AGBL1: variants seen among roughly 807,000 people sequenced by gnomAD.
The protein encoded by AGBL1 is cytosolic carboxypeptidase 4.
A neutral mutation model predicts 118.9 loss-of-function variants in AGBL1; 130 were observed. The observed-to-expected ratio is 1.09, with a 90% CI of 0.95 to 1.26. The LOEUF (loss-of-function observed/expected upper bound fraction) is 1.26. AGBL1 is among the 50% of genes most tolerant of loss of function. AGBL1 has a pLI of 0.00. For missense variants in AGBL1, 1,584 were observed against 1,298.1 expected (o/e 1.22, Z -3.38); for synonymous variants, 555 against 478.9 (o/e 1.16, Z -2.08).
intron 23 of AGBL1, among the ~76,000 whole-genome samples, chr15:86,927,272 A>T (rs2080552432): frequency 1.3e-5 from 2 of 152,202 alleles, no homozygotes; most frequent in African/African-American, 4.8e-5. Flanking sequence ...GCCTCAAAGT[A>T]GCTCAACTTA....
chr15:86,561,988 T>A (rs2083829564), intron 21 of AGBL1, among the ~76,000 whole-genome samples: 1 of 152,148 alleles, frequency 6.6e-6, no homozygotes. Context: ...TGCTTGTGAT[T>A]TTTGCACATT....
chr15:86,929,888 T>A (rs970529747), intron 23 of AGBL1, among the ~76,000 whole-genome samples: 9 of 152,228 alleles, frequency 5.9e-5, no homozygotes, highest in African/African-American at 2.2e-4. Flanking sequence ...TAAACTAGAA[T>A]ATGCCACTTC....
chr15:86,329,324 CCT>C (rs769213148), intron 17 of AGBL1, among the ~76,000 whole-genome samples: 3 of 152,006 alleles, frequency 2.0e-5, no homozygotes, highest in Non-Finnish European at 2.9e-5. Flanking sequence ...GCAGTGGGGC[CCT>C]CTCTGCCCCA....
chr15:86,535,585 A>G (rs1416317389), intron 19 of AGBL1, among the ~76,000 whole-genome samples: 1 of 152,196 alleles, frequency 6.6e-6, no homozygotes, highest in Non-Finnish European at 1.5e-5. Flanking sequence ...TGAAGAGCGC[A>G]TCAATTTCTG....
intron 11 of AGBL1, 29 bp from the exon 12 acceptor site, chr15:86,266,345 C>G: frequency 6.5e-7 from 1 of 1,539,684 alleles, no homozygotes; most frequent in Non-Finnish European, 8.8e-7. Context: ...AAGGCCGACC[C>G]TTAAAATGTT....
chr15:86,171,999 A>G (rs1433696609), intron 5 of AGBL1, among the ~76,000 whole-genome samples: 1 of 152,212 alleles, frequency 6.6e-6, no homozygotes, highest in Non-Finnish European at 1.5e-5. Context: ...GTGAGTGTGC[A>G]AAGTCATAAG....
rs12898345 is a variant in AGBL1, at chr15:86,914,664, A to G, written c.*7370A>G. ...CTCTGTTGTTATGCTCACTTTATAA[A>G]TGAGGGCATTAAGAATTTAAGGGCT... On this transcript the variant is annotated 3_prime_UTR_variant, in exon 23 of 23. Coordinates refer to ENST00000614907, the MANE Select transcript of AGBL1 (RefSeq NM_001386094.1). The G allele has an allele frequency of 0.68, 103,998 of 152,058 alleles. 36,473 individuals carry two copies. The highest frequency in any genetic ancestry group is 0.81 in the African/African-American group (33,700 of 41,496). 9.4% of individuals were successfully genotyped at this position (152,058 alleles called of 1,614,324 possible).
chr15:86,554,507 C>G lies in AGBL1; in HGVS notation c.2964C>G (p.Ser988Arg). 3.2e-6 allele frequency: 5 copies of G among 1,558,118 alleles called. No homozygotes were observed. Among genetic ancestry groups the G allele is most frequent in the Non-Finnish European group, 4.3e-6 (5 of 1,154,576 alleles). The change falls in exon 21 of 23, where the codon AGC (serine) becomes AGG (arginine). Residue 988 changes from serine to arginine, a missense_variant. Coordinates refer to ENST00000614907, the MANE Select transcript of AGBL1 (RefSeq NM_001386094.1). Reference protein sequence around the residue: ...GVSRSYTMESSYCGCNQGPYQ... With the variant: ...GVSRSYTMESRYCGCNQGPYQ... ...CCAGAAGCTACACCATGGAAAGCAGCTACTGTGGCTGCAACCAGGGCCCTT... is the reference window on the plus strand; with the variant it reads ...CCAGAAGCTACACCATGGAAAGCAGGTACTGTGGCTGCAACCAGGGCCCTT...
chr15:86,990,321 C>A (rs991255810), intron 24 of AGBL1, among the ~76,000 whole-genome samples: 2 of 152,084 alleles, frequency 1.3e-5, no homozygotes, highest in Admixed American at 1.3e-4. Flanking sequence ...TCAAGACCAG[C>A]CTGACCAACA....
At chr15:86,847,702 C>G (rs1296969410) in intron 22 of AGBL1, among the ~76,000 whole-genome samples, 1 of 152,180 alleles carries the variant, frequency 6.6e-6, no homozygotes, top group Non-Finnish European at 1.5e-5. Context: ...ATCTTTTAAG[C>G]TGGCTCCAGA....
rs115329856 is a variant in AGBL1, at chr15:86,274,614, C to A, written c.2075+2908C>A. ...CCACTTCTCCCTTTGGAGACCTCTC[C>A]CATGCAACAATCGATGCTTAACTAA... On this transcript the variant is annotated intron_variant, in intron 15 of 22. Transcript: ENST00000614907. Among the ~76,000 whole-genome samples, 837 of 152,266 alleles carry A rather than the reference C, an allele frequency of 5.5e-3. 5 individuals carry two copies. The highest frequency in any genetic ancestry group is 0.019 in the African/African-American group (809 of 41,538).
intron 21 of AGBL1, among the ~76,000 whole-genome samples, chr15:86,567,622 A>G (rs1217343560): frequency 6.6e-6 from 1 of 152,238 alleles, no homozygotes; most frequent in Non-Finnish European, 1.5e-5. Context: ...ATTTTTACAG[A>G]TAACCTTTAG....
Position 86,082,511 on chromosome 15 carries a change from G to C in AGBL1, c.51+2488G>C, listed in dbSNP as rs532312897. 7.6e-4 allele frequency among the ~76,000 whole-genome samples: 115 copies of C among 152,310 alleles called. 1 individual carries two copies. The highest frequency in any genetic ancestry group is 2.6e-3 in the African/African-American group (109 of 41,558). On this transcript the variant is annotated intron_variant, in intron 1 of 22. Coordinates refer to ENST00000614907, the MANE Select transcript of AGBL1 (RefSeq NM_001386094.1). ...TGCCAAGGGAAGGAAGAAAGAGATT[G>C]GAGGGACAGAAAAGGCAAACACAAG...
At chr15:86,963,546 T>A (rs148041704) in intron 23 of AGBL1, among the ~76,000 whole-genome samples, 1 of 152,138 alleles carries the variant, frequency 6.6e-6, no homozygotes, top group East Asian at 1.9e-4. Flanking sequence ...TACAAAGTTA[T>A]AGCAAGAAGT....
intron 22 of AGBL1, among the ~76,000 whole-genome samples, chr15:86,817,618 G>C (rs1405634701): frequency 6.8e-6 from 1 of 146,464 alleles, no homozygotes; most frequent in Non-Finnish European, 1.5e-5. Context: ...GAGAAAAAGA[G>C]ACAGGCATAC....
intron 22 of AGBL1, among the ~76,000 whole-genome samples, chr15:86,876,485 C>T (rs1300585921): frequency 1.3e-5 from 2 of 152,128 alleles, no homozygotes; most frequent in African/African-American, 4.8e-5. Context: ...TCAGGAACTC[C>T]CTCTCCTGCG....
At chr15:86,442,709 A>G (rs1228405238) in intron 18 of AGBL1, among the ~76,000 whole-genome samples, 1 of 152,222 alleles carries the variant, frequency 6.6e-6, no homozygotes, top group Non-Finnish European at 1.5e-5. Flanking sequence ...CACCTCTTAT[A>G]GCTCTGGTGG....
At chr15:86,185,706 T>C (rs1030619978) in intron 5 of AGBL1, among the ~76,000 whole-genome samples, 2 of 137,150 alleles carry the variant, frequency 1.5e-5, no homozygotes, top group South Asian at 2.2e-4. Context: ...AATTGAACAA[T>C]GAGAACACTT....
intron 9 of AGBL1, among the ~76,000 whole-genome samples, chr15:86,260,223 A>G (rs2078961547): frequency 6.6e-6 from 1 of 152,202 alleles, no homozygotes; most frequent in African/African-American, 2.4e-5. Context: ...CAGAGGCGTG[A>G]ACAAGAAGTC....
Sources: gnomAD v4.1 joint callset for allele counts (sites outside exome capture counted in the v4.1 genomes callset) on GRCh38, gnomAD v4.1.1 for gene constraint, MANE v1.5 for transcripts, NCBI Gene and HGNC (gene_info 2026-07-23, HGNC 2026-07-21) for gene names.